Variants in PDGFD observed in about 807,000 individuals in gnomAD.
PDGFD encodes platelet-derived growth factor D.
PDGFD carries 30 observed loss-of-function variants against 44.7 expected under a neutral mutation model. That is an observed-to-expected ratio of 0.67 (90% CI 0.50 to 0.91). The LOEUF (loss-of-function observed/expected upper bound fraction) is 0.91, where lower values mean the gene tolerates loss of function less well. Ranked by LOEUF, PDGFD falls within the 40% of genes least tolerant of loss-of-function variation. PDGFD has a pLI of 0.00. For missense variants in PDGFD, 445 were observed against 457.8 expected (o/e 0.97, Z 0.25); for synonymous variants, 173 against 168.4 (o/e 1.03, Z -0.21).
At chr11:103,936,902 G>A (rs1388620470) in intron 5 of PDGFD, among the ~76,000 whole-genome samples, 1 of 151,402 alleles carries the variant, frequency 6.6e-6, no homozygotes, top group Non-Finnish European at 1.5e-5. Context: ...CACAGCCCAT[G>A]GTAGCCTTGA....
intron 1 of PDGFD, among the ~76,000 whole-genome samples, chr11:104,128,847 A>G (rs955175738): frequency 2.6e-5 from 4 of 152,172 alleles, no homozygotes; most frequent in Non-Finnish European, 5.9e-5. Flanking sequence ...AAAAATGCCC[A>G]ATAAATGGCA....
Position 103,978,502 on chromosome 11 carries a change from T to G in PDGFD, c.510+17563A>C, listed in dbSNP as rs969187474. On this transcript the variant is annotated intron_variant, in intron 3 of 6. Coordinates refer to ENST00000393158, the MANE Select transcript of PDGFD (RefSeq NM_025208.5). ...GGACTTAAATATGTTTATATTGATATGCAAGTGTGAATTGAGAGAAACACT... is the reference window on the plus strand; with the variant it reads ...GGACTTAAATATGTTTATATTGATAGGCAAGTGTGAATTGAGAGAAACACT... Among the ~76,000 whole-genome samples the G allele has an allele frequency of 2.0e-5, 3 of 151,998 alleles. 1 individual carries two copies. Among genetic ancestry groups the G allele is most frequent in the African/African-American group, 7.2e-5 (3 of 41,412 alleles).
intron 4 of PDGFD, 142 bp from the exon 5 acceptor site, chr11:103,943,792 G>T: frequency 1.6e-6 from 1 of 624,672 alleles, no homozygotes; most frequent in South Asian, 2.4e-5. Context: ...AAAACAACAT[G>T]GTATTGTCTT....
chr11:104,132,344 T>C (rs1225666240), intron 1 of PDGFD, among the ~76,000 whole-genome samples: 1 of 152,088 alleles, frequency 6.6e-6, no homozygotes, highest in Non-Finnish European at 1.5e-5. Context: ...ATTCCAGATA[T>C]TACTATAAAA....
chr11:103,965,451 C>T (rs949560167), intron 3 of PDGFD, among the ~76,000 whole-genome samples: 2 of 152,142 alleles, frequency 1.3e-5, no homozygotes, highest in Non-Finnish European at 2.9e-5. Flanking sequence ...GCTGCCAAAG[C>T]TCTATTTTAA....
rs374072005 is a variant in PDGFD, at chr11:104,021,608, A to C, written c.125-21353T>G. ...GTAGCTTGTTATGCCAAAGATAAAA[A>C]ACAAATAGAGCAGATCGATATCCAA... On this transcript the variant is annotated intron_variant, in intron 1 of 6. Transcript: ENST00000393158. Among the ~76,000 whole-genome samples, 28 of 152,298 alleles carry C rather than the reference A, an allele frequency of 1.8e-4. No individual in the cohort carries two copies. The South Asian group carries it at 5.8e-3, about 32-fold the overall frequency.
chr11:103,928,324 G>A lies in PDGFD; in HGVS notation c.773-1198C>T, dbSNP rs1053808543. On this transcript the variant is annotated intron_variant, in intron 5 of 6. Transcript: ENST00000393158. ...AACCCACCACCCTTTCCCAATGCACGCCCTTGTGTGCACCAGGCCACCACA... is the reference window on the plus strand; with the variant it reads ...AACCCACCACCCTTTCCCAATGCACACCCTTGTGTGCACCAGGCCACCACA... Among the ~76,000 whole-genome samples, 7 of 152,224 alleles carry A rather than the reference G, an allele frequency of 4.6e-5. No individual in the cohort carries two copies. In the East Asian group the frequency reaches 9.6e-4, roughly 21 times the overall value.
intron 1 of PDGFD, among the ~76,000 whole-genome samples, chr11:104,069,596 C>T (rs1460677219): frequency 6.6e-6 from 1 of 152,206 alleles, no homozygotes; most frequent in Non-Finnish European, 1.5e-5. Flanking sequence ...CACAGTGGTT[C>T]ATGCCTGTAA....
intron 3 of PDGFD, among the ~76,000 whole-genome samples, chr11:103,973,305 A>ATT (rs35172142): frequency 1.2e-3 from 177 of 144,292 alleles, no homozygotes; most frequent in Admixed American, 5.0e-3. Context: ...TGCCCGGCCA[A>ATT]TTTTTTTTTT....
intron 1 of PDGFD, among the ~76,000 whole-genome samples, chr11:104,135,901 A>AG (rs1253163766): frequency 8.5e-4 from 128 of 150,808 alleles, no homozygotes; most frequent in Admixed American, 1.1e-3. Context: ...TAATGATAAA[A>AG]TATATTACAC....
chr11:104,113,708 G>A (rs917648395), intron 1 of PDGFD, among the ~76,000 whole-genome samples: 2 of 151,794 alleles, frequency 1.3e-5, no homozygotes, highest in African/African-American at 2.4e-5. Context: ...ATCTTCCAAT[G>A]TGGCTGTATC....
At chr11:104,150,151 G>A (rs1378103407) in intron 1 of PDGFD, among the ~76,000 whole-genome samples, 3 of 152,040 alleles carry the variant, frequency 2.0e-5, no homozygotes, top group African/African-American at 7.2e-5. Context: ...AAAAACATAT[G>A]AGCCAACAAA....
chr11:103,913,119 A>G (rs1565282252), intron 6 of PDGFD, among the ~76,000 whole-genome samples: 1 of 152,212 alleles, frequency 6.6e-6, no homozygotes, highest in Non-Finnish European at 1.5e-5. Context: ...AAGGATATCC[A>G]GGAGTTGAAC....
At chr11:104,072,314 T>C (rs1860891236) in intron 1 of PDGFD, among the ~76,000 whole-genome samples, 1 of 151,908 alleles carries the variant, frequency 6.6e-6, no homozygotes, top group African/African-American at 2.4e-5. Flanking sequence ...TTGCACATTC[T>C]TTGTTAAATT....
chr11:103,968,341 C>A (rs577035287), intron 3 of PDGFD, among the ~76,000 whole-genome samples: 1 of 152,282 alleles, frequency 6.6e-6, no homozygotes, highest in African/African-American at 2.4e-5. Flanking sequence ...TTACTGAGAT[C>A]AGATCGTTTT....
chr11:104,000,434 T>C (rs977543632), intron 1 of PDGFD, among the ~76,000 whole-genome samples, 179 bp from the exon 2 acceptor site: 1 of 152,240 alleles, frequency 6.6e-6, no homozygotes, highest in African/African-American at 2.4e-5. Context: ...TAGCAATCTA[T>C]GTCCAGTGAC....
chr11:104,113,586 AGT>A (rs921814391), intron 1 of PDGFD, among the ~76,000 whole-genome samples: 2 of 146,890 alleles, frequency 1.4e-5, no homozygotes, highest in African/African-American at 5.1e-5. Flanking sequence ...ATCCAACTGC[AGT>A]GTTTTTTTTT....
rs1157162878 is a variant in PDGFD, at chr11:103,907,433, CT to C, written c.*2260del. On this transcript the variant is annotated 3_prime_UTR_variant, in exon 7 of 7. Transcript: ENST00000393158. ...TTTGAAATGTAATTTGTACGGCCAG[CT>C]TTTTATTCCTTTGATGGCTATCAAA... 1 of 152,160 alleles carries C rather than the reference CT, an allele frequency of 6.6e-6. No individual in the cohort carries two copies. Among genetic ancestry groups the C allele is most frequent in the Non-Finnish European group, 1.5e-5 (1 of 68,020 alleles). The allele number at this position is 152,160 out of a possible 1,614,324, so 9.4% of individuals were successfully genotyped here. A position where few individuals can be genotyped will look rare whatever the true frequency, so the allele number is the denominator to read the frequency against.
At chr11:104,070,766 G>A (rs950662918) in intron 1 of PDGFD, among the ~76,000 whole-genome samples, 1 of 152,076 alleles carries the variant, frequency 6.6e-6, no homozygotes, top group African/African-American at 2.4e-5. Context: ...CTATGGACAT[G>A]TCATAGTTTA....
Sources: gnomAD v4.1 joint callset for allele counts (sites outside exome capture counted in the v4.1 genomes callset) on GRCh38, gnomAD v4.1.1 for gene constraint, MANE v1.5 for transcripts, NCBI Gene and HGNC (gene_info 2026-07-23, HGNC 2026-07-21) for gene names.